QSOX2: variants seen among roughly 807,000 people sequenced by gnomAD.
The protein encoded by QSOX2 is sulfhydryl oxidase 2.
A neutral mutation model predicts 61.7 loss-of-function variants in QSOX2; 46 were observed. The observed-to-expected ratio is 0.75, with a 90% confidence interval of 0.59 to 0.95. The LOEUF (loss-of-function observed/expected upper bound fraction) is 0.95, where lower values mean the gene tolerates loss of function less well. Among genes scored for constraint, QSOX2 ranks in the 40% least tolerant of loss-of-function variants. QSOX2 has a pLI of 0.00. For missense variants in QSOX2, 879 were observed against 918.9 expected (o/e 0.96, Z 0.56); for synonymous variants, 383 against 388.4 (o/e 0.99, Z 0.16).
At chr9:136,230,692 G>C (rs1369600064) in intron 1 of QSOX2, among the ~76,000 whole-genome samples, 2 of 152,212 alleles carry the variant, frequency 1.3e-5, no homozygotes, top group African/African-American at 4.8e-5. Context: ...ACTCTTCCAT[G>C]ATAAGCCAGT....
chr9:136,236,506 G>A (rs964579866), intron 1 of QSOX2, among the ~76,000 whole-genome samples: 2 of 152,236 alleles, frequency 1.3e-5, no homozygotes, highest in African/African-American at 2.4e-5. Flanking sequence ...GACAGCAGAA[G>A]AGCCAGCGCT....
At chr9:136,243,198 C>G (rs1294828630) in intron 1 of QSOX2, among the ~76,000 whole-genome samples, 2 of 152,210 alleles carry the variant, frequency 1.3e-5, no homozygotes, top group Non-Finnish European at 2.9e-5. Context: ...ATTTATTTCC[C>G]TGACATATTT....
intron 1 of QSOX2, among the ~76,000 whole-genome samples, chr9:136,230,328 A>G (rs1398816959): frequency 2.6e-5 from 4 of 152,340 alleles, no homozygotes; most frequent in Non-Finnish European, 5.9e-5. Flanking sequence ...AGCGCTAGAG[A>G]GAATGTGAAG....
At chr9:136,225,281 G>C (rs908683986) in intron 2 of QSOX2, among the ~76,000 whole-genome samples, 1 of 152,234 alleles carries the variant, frequency 6.6e-6, no homozygotes, top group Admixed American at 6.5e-5. Context: ...CGGAGGATGT[G>C]CAGGAGGAGG....
At chr9:136,213,515 CT>C (rs924518216) in intron 10 of QSOX2, among the ~76,000 whole-genome samples, 29 of 152,062 alleles carry the variant, frequency 1.9e-4, no homozygotes, top group African/African-American at 6.5e-4. Flanking sequence ...ACATACTACT[CT>C]TTTTTTCTGT....
chr9:136,209,464 G>T lies in QSOX2; in HGVS notation c.1550-189C>A, dbSNP rs1038891687. ...TGCAGTTCGGCCCAGATAACATCCTGCTTCTGCAGGCCCCTGCGCACGTGT... is the reference window on the plus strand; with the variant it reads ...TGCAGTTCGGCCCAGATAACATCCTTCTTCTGCAGGCCCCTGCGCACGTGT... On this transcript the variant is annotated intron_variant, in intron 11 of 11. Transcript: ENST00000358701. This position sits in a 1 kb window ranked among gnomAD's most constrained non-coding sequence, Gnocchi z 5.6. 1.0e-6 allele frequency: 1 copy of T among 985,262 alleles called. No homozygotes were observed. Among genetic ancestry groups the T allele is most frequent in the Admixed American group, 6.1e-5 (1 of 16,272 alleles). The allele number at this position is 985,262 out of a possible 1,614,324, so 61.0% of individuals were successfully genotyped here. A position where few individuals can be genotyped will look rare whatever the true frequency, so the allele number is the denominator to read the frequency against.
chr9:136,245,132 T>C (rs117260676), intron 1 of QSOX2, among the ~76,000 whole-genome samples: 2,139 of 152,108 alleles, frequency 0.014, 26 homozygotes, highest in Middle Eastern at 0.034. Context: ...GCTCAAAACA[T>C]AGGTATTTTG....
intron 1 of QSOX2, among the ~76,000 whole-genome samples, chr9:136,236,335 G>A (rs1830381253): frequency 6.7e-6 from 1 of 148,666 alleles, no homozygotes; most frequent in African/African-American, 2.6e-5. Flanking sequence ...GATGCTAGGT[G>A]GCAATGGTGA....
chr9:136,208,509 C>T lies in QSOX2; in HGVS notation c.*219G>A, dbSNP rs535552704. On this transcript the variant is annotated 3_prime_UTR_variant, in exon 12 of 12. Coordinates refer to ENST00000358701, the MANE Select transcript of QSOX2 (RefSeq NM_181701.4). ...AAAGGAGCATGAACAGACTTGAGTACGCCAGGAATGCAAATATCCCCACAA... is the reference window on the plus strand; with the variant it reads ...AAAGGAGCATGAACAGACTTGAGTATGCCAGGAATGCAAATATCCCCACAA... The T allele has an allele frequency of 4.0e-5, 22 of 553,740 alleles. No homozygotes were observed. Among genetic ancestry groups the T allele is most frequent in the East Asian group, 9.0e-5 (3 of 33,474 alleles). The allele number at this position is 553,740 out of a possible 1,614,324, so 34.3% of individuals were successfully genotyped here.
At chr9:136,217,634 T>A (rs1428231417) in intron 8 of QSOX2, among the ~76,000 whole-genome samples, 1 of 152,158 alleles carries the variant, frequency 6.6e-6, no homozygotes, top group Non-Finnish European at 1.5e-5. Flanking sequence ...AGAGCACAAG[T>A]GTAAAAGCTC....
chr9:136,216,642 G>A lies in QSOX2; in HGVS notation c.1167C>T (p.Ile389=). Residue 389 remains isoleucine, a synonymous_variant, in exon 9 of 12, where the codon ATC becomes ATT. Coordinates refer to ENST00000358701, the MANE Select transcript of QSOX2 (RefSeq NM_181701.4). ...EWLASLPLDR[I]PYNAVLDLVN... ...CCAGGTCAAGCACGGCGTTGTAGGG[G>A]ATCCTGTCCAGGGGAAGGCTGGCCA... 3 of 1,613,958 alleles carry A rather than the reference G, an allele frequency of 1.9e-6. No individual in the cohort carries two copies. The highest frequency in any genetic ancestry group is 2.5e-6 in the Non-Finnish European group (3 of 1,180,012).
In QSOX2 at chr9:136,218,980, C is replaced by T. The variant is rs751669325; in HGVS notation, c.956+50G>A. The T allele has an allele frequency of 4.8e-5, 77 of 1,595,940 alleles. No individual in the cohort carries two copies. The South Asian group carries it at 5.6e-4, about 12-fold the overall frequency. The stretch of plus-strand genomic sequence containing the variant: ...ACCCGCCCTGCAAGCACGCAGCCTT[C>T]GGTCTACACGCACTGTCTCCGGGGG... On this transcript the variant is annotated intron_variant, in intron 7 of 11. Coordinates refer to ENST00000358701, the MANE Select transcript of QSOX2 (RefSeq NM_181701.4).
In QSOX2 at chr9:136,224,011, T is replaced by C. The variant is rs545366071; in HGVS notation, c.580A>G (p.Ile194Val). 9 of 1,613,236 alleles carry C rather than the reference T, an allele frequency of 5.6e-6. No homozygotes were observed. In the East Asian group the frequency reaches 8.9e-5, roughly 16 times the overall value. ...CTTCTTCATGGAGCTACTCACTGAA[T>C]GGGGTCTAGGCGCGGGCAGGCAGGG... ...RPPACPRLDP[I>V]QPSDVLSLLD... is the part of the protein sequence containing the mutation. Residue 194 changes from isoleucine to valine, a missense_variant, in exon 4 of 12, where the codon ATT becomes GTT. Physicochemically the swap from Ile to Val is conservative, Grantham distance 29. Coordinates refer to ENST00000358701, the MANE Select transcript of QSOX2 (RefSeq NM_181701.4).
chr9:136,210,524 C>T (rs563881878), intron 11 of QSOX2: 38 of 985,398 alleles, frequency 3.9e-5, no homozygotes, highest in South Asian at 1.9e-4. Context: ...GCTGCCAGGG[C>T]GGAGAGACGG....
chr9:136,234,328 G>A (rs757933140), intron 1 of QSOX2, among the ~76,000 whole-genome samples: 15 of 152,148 alleles, frequency 9.9e-5, no homozygotes, highest in Non-Finnish European at 2.1e-4. Flanking sequence ...TTGGGGAGTC[G>A]CAGGTTATAT....
intron 1 of QSOX2, 46 bp downstream of exon 1, chr9:136,245,430 C>T (rs1554758372): frequency 1.3e-6 from 2 of 1,511,786 alleles, no homozygotes; most frequent in African/African-American, 2.8e-5. Flanking sequence ...CCCGGAAGGC[C>T]GCGGTCCCGG....
In QSOX2 at chr9:136,208,318, G is replaced by GGGGGCA. The variant is rs1831800066; in HGVS notation, c.*409_*410insTGCCCC. On this transcript the variant is annotated 3_prime_UTR_variant, in exon 12 of 12. Coordinates refer to ENST00000358701, the MANE Select transcript of QSOX2 (RefSeq NM_181701.4). Reference sequence around the variant, plus strand: ...GGGGGGAGCCAGGAGCCGCGGGGGGGATGGGCGAGGTTCTCCAAATACAAA... The same window carrying GGGGGCA: ...GGGGGGAGCCAGGAGCCGCGGGGGGGGGGGCAATGGGCGAGGTTCTCCAAATACAAA... 1 of 138,472 alleles carries GGGGGCA rather than the reference G, an allele frequency of 7.2e-6. No individual in the cohort carries two copies. Among genetic ancestry groups the GGGGGCA allele is most frequent in the Non-Finnish European group, 1.5e-5 (1 of 65,106 alleles). The allele number at this position is 138,472 out of a possible 1,614,324, so 8.6% of individuals were successfully genotyped here.
chr9:136,212,543 C>T (rs553696206), intron 10 of QSOX2, among the ~76,000 whole-genome samples: 1 of 152,356 alleles, frequency 6.6e-6, no homozygotes, highest in East Asian at 1.9e-4. Context: ...CAGAGCAGAG[C>T]AGACCACCTC....
intron 10 of QSOX2, 76 bp downstream of exon 10, chr9:136,215,078 T>C (rs1477172425): frequency 4.6e-6 from 7 of 1,530,370 alleles, no homozygotes; most frequent in South Asian, 2.5e-5. Flanking sequence ...CAGCAGTACA[T>C]GCCTTTGCAC....
Sources: gnomAD v4.1 joint callset for allele counts (sites outside exome capture counted in the v4.1 genomes callset) on GRCh38, gnomAD v4.1.1 for gene constraint, Gnocchi (gnomAD v3.1) non-coding constraint, MANE v1.5 for transcripts, NCBI Gene and HGNC (gene_info 2026-07-23, HGNC 2026-07-21) for gene names.